CYTH3: variants seen among roughly 807,000 people sequenced by gnomAD.
The protein encoded by CYTH3 is cytohesin 3, also known as cytohesin-3.
A neutral mutation model predicts 55.1 loss-of-function variants in CYTH3; 23 were observed. The ratio of observed to expected loss-of-function variants is 0.42; its 90% confidence interval spans 0.30 to 0.59. The LOEUF (loss-of-function observed/expected upper bound fraction) is 0.59. CYTH3 is among the 20% of genes least tolerant of loss of function. The probability of loss-of-function intolerance (pLI) is 0.20; values close to 1 mark genes in which losing one functional copy is unlikely to be tolerated. For missense variants in CYTH3, 413 were observed against 524.8 expected (o/e 0.79, Z 2.08); for synonymous variants, 249 against 194.9 (o/e 1.28, Z -2.31).
At chr7:6,202,062 T>A (rs1351508843) in intron 1 of CYTH3, among the ~76,000 whole-genome samples, 1 of 152,106 alleles carries the variant, frequency 6.6e-6, no homozygotes, top group Non-Finnish European at 1.5e-5. Flanking sequence ...AGAAGGGAAG[T>A]CTATTTCCCA....
At chr7:6,249,424 G>T (rs973370093) in intron 1 of CYTH3, among the ~76,000 whole-genome samples, 1 of 150,978 alleles carries the variant, frequency 6.6e-6, no homozygotes, top group Non-Finnish European at 1.5e-5. Context: ...AAAACAAGAG[G>T]AACAGGAAAG....
At chr7:6,241,416 A>G (rs1438026948) in intron 1 of CYTH3, among the ~76,000 whole-genome samples, 1 of 152,262 alleles carries the variant, frequency 6.6e-6, no homozygotes, top group Admixed American at 6.5e-5. Context: ...AGTTTGACAG[A>G]CTACCTGTTG....
chr7:6,271,005 TTTC>T (rs1206946338), intron 1 of CYTH3, among the ~76,000 whole-genome samples: 2 of 152,312 alleles, frequency 1.3e-5, no homozygotes, highest in African/African-American at 4.8e-5. Flanking sequence ...TACAGTTGTC[TTTC>T]TTTTCTAACA....
intron 5 of CYTH3, among the ~76,000 whole-genome samples, chr7:6,176,237 G>A (rs1783345629): frequency 1.5e-5 from 2 of 133,452 alleles, no homozygotes; most frequent in South Asian, 2.5e-4. Flanking sequence ...CATTGCTATT[G>A]TATAGAAATA....
intron 1 of CYTH3, among the ~76,000 whole-genome samples, chr7:6,236,401 G>A (rs1430005589): frequency 1.3e-5 from 2 of 148,560 alleles, no homozygotes; most frequent in East Asian, 2.0e-4. Flanking sequence ...GTACAGACAG[G>A]GTCTTGCTAT....
At chr7:6,269,236 T>TACTTTAC in intron 1 of CYTH3, among the ~76,000 whole-genome samples, 1 of 152,210 alleles carries the variant, frequency 6.6e-6, no homozygotes, top group African/African-American at 2.4e-5. Context: ...TGCCTGTGGC[T>TACTTTAC]ACTTTACACT....
chr7:6,180,813 G>T (rs58348830), intron 4 of CYTH3, among the ~76,000 whole-genome samples: 1 of 152,118 alleles, frequency 6.6e-6, no homozygotes, highest in Admixed American at 6.5e-5. Flanking sequence ...ATCTTTTTCT[G>T]TTTCTCTTCT....
intron 1 of CYTH3, among the ~76,000 whole-genome samples, chr7:6,234,958 G>C (rs1779479384): frequency 6.6e-6 from 1 of 152,172 alleles, no homozygotes; most frequent in African/African-American, 2.4e-5. Context: ...GCAAGAAAAT[G>C]AGAGCCTCTG....
At chr7:6,218,825 C>T (rs541730534) in intron 1 of CYTH3, among the ~76,000 whole-genome samples, 5 of 151,930 alleles carry the variant, frequency 3.3e-5, no homozygotes, top group African/African-American at 7.2e-5. Context: ...GCCAACATGG[C>T]GAAACTCCAT....
intron 1 of CYTH3, among the ~76,000 whole-genome samples, chr7:6,252,430 C>T (rs1240321945): frequency 6.6e-6 from 1 of 152,180 alleles, no homozygotes; most frequent in Non-Finnish European, 1.5e-5. Context: ...GCCTTCTAGA[C>T]TAGTCACGAA....
chr7:6,231,520 G>A (rs948963576), intron 1 of CYTH3, among the ~76,000 whole-genome samples: 5 of 152,180 alleles, frequency 3.3e-5, no homozygotes, highest in Non-Finnish European at 5.9e-5. Context: ...TGCTTTACGT[G>A]CCAGGAACAG....
At position 6,170,505 on chromosome 7, in the gene CYTH3, C is replaced by T. The variant is rs1783147382; in HGVS notation, c.823+30G>A. The T allele has an allele frequency of 3.7e-6, 6 of 1,603,376 alleles. No individual in the cohort carries two copies. The highest frequency in any genetic ancestry group is 3.4e-6 in the Non-Finnish European group (4 of 1,172,086). On this transcript the variant is annotated intron_variant, in intron 9 of 12. Coordinates refer to ENST00000350796, the MANE Select transcript of CYTH3 (RefSeq NM_004227.4). This position sits in a 1 kb window ranked among gnomAD's most constrained non-coding sequence, Gnocchi z 7.8. ...GCTGCTGCCATGGGCAGAGGGGTCA[C>T]GCCCGGGTCCCGCTGGGCCGGCGGC...
intron 1 of CYTH3, among the ~76,000 whole-genome samples, chr7:6,222,808 T>A (rs1430543451): frequency 6.6e-6 from 1 of 151,510 alleles, no homozygotes; most frequent in East Asian, 1.9e-4. Flanking sequence ...TATATAACCA[T>A]TATACATTAT....
intron 1 of CYTH3, among the ~76,000 whole-genome samples, chr7:6,213,715 A>T (rs1784370155): frequency 6.6e-6 from 1 of 151,888 alleles, no homozygotes; most frequent in South Asian, 2.1e-4. Flanking sequence ...TGAAGACACA[A>T]TCTCATGCAC....
chr7:6,272,451 C>G (rs1233596517), intron 1 of CYTH3, 23 bp downstream of exon 1: 2 of 1,347,500 alleles, frequency 1.5e-6, no homozygotes, highest in African/African-American at 3.1e-5. Context: ...CGCCGGCGAG[C>G]CCACCACACC....
chr7:6,196,451 T>C (rs922589949), intron 1 of CYTH3, among the ~76,000 whole-genome samples: 2 of 140,020 alleles, frequency 1.4e-5, no homozygotes, highest in African/African-American at 6.0e-5. Context: ...CTTTTTTCTT[T>C]TTTTCTTTTT....
intron 1 of CYTH3, among the ~76,000 whole-genome samples, chr7:6,257,788 C>A (rs148721073): frequency 8.5e-5 from 13 of 152,328 alleles, no homozygotes; most frequent in African/African-American, 2.6e-4. Context: ...AGTTACAGTA[C>A]ACTGCTGTTC....
rs540751922 is a variant in CYTH3, at chr7:6,214,969, G to A, written c.35-24438C>T. 1.0e-3 allele frequency among the ~76,000 whole-genome samples: 152 copies of A among 152,078 alleles called. 1 individual carries two copies. Among genetic ancestry groups the A allele is most frequent in the Non-Finnish European group, 1.7e-3 (113 of 67,988 alleles). ...GAAAAAAAAGAGTAAGGTTATTTTGGTAAATTTTTAAAAAGACAAAAATTT... is the reference window on the plus strand; with the variant it reads ...GAAAAAAAAGAGTAAGGTTATTTTGATAAATTTTTAAAAAGACAAAAATTT... On this transcript the variant is annotated intron_variant, in intron 1 of 12. Coordinates refer to ENST00000350796, the MANE Select transcript of CYTH3 (RefSeq NM_004227.4).
intron 1 of CYTH3, among the ~76,000 whole-genome samples, chr7:6,211,390 G>A (rs773498987): frequency 6.6e-6 from 1 of 152,242 alleles, no homozygotes; most frequent in African/African-American, 2.4e-5. Flanking sequence ...GCCACACTGC[G>A]GAGCCTGACT....
Sources: allele counts gnomAD v4.1 joint callset (sites outside exome capture counted in the v4.1 genomes callset), GRCh38; gene constraint gnomAD v4.1.1; non-coding constraint Gnocchi (gnomAD v3.1); transcripts MANE v1.5; gene names NCBI Gene and HGNC (gene_info 2026-07-23, HGNC 2026-07-21).